Variants in HCN1 observed in about 807,000 individuals in gnomAD.
HCN1 encodes hyperpolarization activated cyclic nucleotide gated potassium channel 1, also known as potassium/sodium hyperpolarization-activated cyclic nucleotide-gated channel 1.
A neutral mutation model predicts 78.9 loss-of-function variants in HCN1; 13 were observed. That is an observed-to-expected ratio of 0.16 (90% confidence interval 0.11 to 0.26). The LOEUF is 0.26. HCN1 is among the 10% of genes least tolerant of loss of function. The pLI is 1.00. For synonymous variants in HCN1, 552 were observed against 455.5 expected, an observed-to-expected ratio of 1.21 and a Z score of -2.70; for missense variants, 810 against 1,154.3, an observed-to-expected ratio of 0.70 and a Z score of 4.32.
intron 6 of HCN1, among the ~76,000 whole-genome samples, chr5:45,297,896 C>T (rs1317228194): frequency 6.6e-6 from 1 of 151,736 alleles, no homozygotes; most frequent in East Asian, 1.9e-4. Flanking sequence ...ATACATTTGA[C>T]AATATCCAAC....
chr5:45,590,252 G>A (rs2111942099), intron 2 of HCN1, among the ~76,000 whole-genome samples: 1 of 152,074 alleles, frequency 6.6e-6, no homozygotes, highest in South Asian at 2.1e-4. Flanking sequence ...TTCATATTAG[G>A]TAGAATAATA....
chr5:45,638,471 T>A (rs1745395202), intron 2 of HCN1, among the ~76,000 whole-genome samples: 1 of 152,212 alleles, frequency 6.6e-6, no homozygotes, highest in Admixed American at 6.5e-5. Context: ...TATTCTGACA[T>A]TTAACTGAGA....
At chr5:45,280,597 T>A (rs1745137056) in intron 6 of HCN1, among the ~76,000 whole-genome samples, 2 of 152,302 alleles carry the variant, frequency 1.3e-5, no homozygotes, top group South Asian at 4.1e-4. Flanking sequence ...CAATAAGGAC[T>A]GACAGGAGTG....
intron 6 of HCN1, among the ~76,000 whole-genome samples, chr5:45,291,567 C>T (rs1222598131): frequency 6.6e-6 from 1 of 151,838 alleles, no homozygotes; most frequent in Non-Finnish European, 1.5e-5. Flanking sequence ...TTTTTTGAGA[C>T]AGAGTTGCAC....
intron 2 of HCN1, among the ~76,000 whole-genome samples, chr5:45,568,599 GTTA>G (rs1022017556): frequency 4.0e-5 from 6 of 151,390 alleles, no homozygotes; most frequent in Admixed American, 6.6e-5. Flanking sequence ...GTTAATGACT[GTTA>G]TTATTATTAG....
chr5:45,479,424 T>C (rs1741594911), intron 2 of HCN1, among the ~76,000 whole-genome samples: 2 of 152,212 alleles, frequency 1.3e-5, no homozygotes, highest in Non-Finnish European at 2.9e-5. Flanking sequence ...TCCCTTTAAC[T>C]ACATTGAATA....
At chr5:45,372,713 A>T (rs982215878) in intron 4 of HCN1, among the ~76,000 whole-genome samples, 15 of 143,326 alleles carry the variant, frequency 1.0e-4, no homozygotes, top group Non-Finnish European at 1.8e-4. Flanking sequence ...GTATTTATAT[A>T]TAAAAATATA....
chr5:45,433,753 T>A (rs563535038), intron 3 of HCN1, among the ~76,000 whole-genome samples: 1 of 152,328 alleles, frequency 6.6e-6, no homozygotes, highest in South Asian at 2.1e-4. Flanking sequence ...AAATGCACCA[T>A]TTCAAACTAG....
intron 1 of HCN1, among the ~76,000 whole-genome samples, chr5:45,682,108 A>G (rs915915289): frequency 1.4e-4 from 22 of 151,796 alleles, no homozygotes; most frequent in African/African-American, 5.3e-4. Context: ...TGACAAGCAG[A>G]CTCACACCAG....
intron 4 of HCN1, among the ~76,000 whole-genome samples, chr5:45,382,087 G>T (rs1295647710): frequency 1.3e-5 from 2 of 152,078 alleles, no homozygotes; most frequent in East Asian, 3.9e-4. Flanking sequence ...TCTTTTCTCT[G>T]ATAATAAAAC....
intron 3 of HCN1, among the ~76,000 whole-genome samples, chr5:45,414,969 A>G (rs914326408): frequency 5.3e-5 from 8 of 152,000 alleles, no homozygotes; most frequent in Non-Finnish European, 1.2e-4. Flanking sequence ...TTACTTTCCA[A>G]GGTTTTGTTA....
intron 2 of HCN1, among the ~76,000 whole-genome samples, chr5:45,472,638 A>T (rs1414418443): frequency 3.5e-5 from 1 of 28,654 alleles, no homozygotes; most frequent in Non-Finnish European, 5.8e-5. Flanking sequence ...GGGGGGAGGG[A>T]GGGAGGGAGA....
intron 6 of HCN1, among the ~76,000 whole-genome samples, chr5:45,282,093 A>T (rs1421079989): frequency 1.3e-5 from 2 of 152,216 alleles, no homozygotes; most frequent in Non-Finnish European, 2.9e-5. Flanking sequence ...ATCAAATATC[A>T]TTAATAAATT....
chr5:45,295,188 T>A (rs941351307), intron 6 of HCN1, among the ~76,000 whole-genome samples: 1 of 151,982 alleles, frequency 6.6e-6, no homozygotes, highest in African/African-American at 2.4e-5. Flanking sequence ...TCACTCTCAA[T>A]GGGAAGCCTA....
chr5:45,599,582 C>T (rs1744581760), intron 2 of HCN1, among the ~76,000 whole-genome samples: 1 of 152,040 alleles, frequency 6.6e-6, no homozygotes, highest in Admixed American at 6.6e-5. Context: ...ACTGCTGAGG[C>T]TACCACTTAA....
chr5:45,418,574 A>G (rs1740163427), intron 3 of HCN1, among the ~76,000 whole-genome samples: 1 of 152,026 alleles, frequency 6.6e-6, no homozygotes, highest in African/African-American at 2.4e-5. Context: ...AATAAAGGTC[A>G]CATATTTAGG....
chr5:45,381,584 G>A (rs115799157), intron 4 of HCN1, among the ~76,000 whole-genome samples: 2,072 of 152,218 alleles, frequency 0.014, 22 homozygotes, highest in Middle Eastern at 0.058. Context: ...ATCAGGGCTA[G>A]GTCCGATGTT....
intron 1 of HCN1, among the ~76,000 whole-genome samples, chr5:45,684,850 A>G (rs1288112992): frequency 2.0e-5 from 3 of 152,334 alleles, no homozygotes; most frequent in East Asian, 1.9e-4. Flanking sequence ...TAACAAAGCA[A>G]GACTCTGTCT....
chr5:45,345,603 C>T (rs537657784), intron 5 of HCN1, among the ~76,000 whole-genome samples: 3 of 152,212 alleles, frequency 2.0e-5, no homozygotes, highest in Non-Finnish European at 4.4e-5. Context: ...TGCCACCAGT[C>T]TCTTTGCTAA....
Sources: gnomAD v4.1 joint callset for allele counts (sites outside exome capture counted in the v4.1 genomes callset) on GRCh38, gnomAD v4.1.1 for gene constraint, MANE v1.5 for transcripts, NCBI Gene and HGNC (gene_info 2026-07-23, HGNC 2026-07-21) for gene names.